OCA2: variants seen among roughly 807,000 people sequenced by gnomAD.
OCA2 encodes the protein OCA2 melanosomal transmembrane protein.
Under a neutral mutation model 100.2 loss-of-function variants are expected in OCA2, and 77 were observed. The ratio of observed to expected loss-of-function variants is 0.77; its 90% CI spans 0.64 to 0.93. The LOEUF is 0.93. Among genes scored for constraint, OCA2 ranks in the 40% least tolerant of loss-of-function variants. The pLI, the probability that OCA2 is intolerant of heterozygous loss-of-function variation, is 0.00. For synonymous variants in OCA2, 432 were observed against 439.2 expected, an observed-to-expected ratio of 0.98 and a Z score of 0.21; for missense variants, 1,062 against 1,089.1, an observed-to-expected ratio of 0.98 and a Z score of 0.35.
At chr15:27,894,143 T>A (rs1029466473) in intron 19 of OCA2, among the ~76,000 whole-genome samples, 3 of 152,190 alleles carry the variant, frequency 2.0e-5, no homozygotes, top group Non-Finnish European at 4.4e-5. Flanking sequence ...CTGACACTTA[T>A]GGATAATAGA....
chr15:27,877,895 T>C (rs1298031953), intron 19 of OCA2, among the ~76,000 whole-genome samples: 2 of 151,758 alleles, frequency 1.3e-5, no homozygotes, highest in African/African-American at 4.8e-5. Flanking sequence ...TGTTTGTCTC[T>C]TTTTTTATTC....
intron 9 of OCA2, among the ~76,000 whole-genome samples, chr15:28,007,513 G>A (rs182876028): frequency 1.1e-3 from 170 of 152,250 alleles, no homozygotes; most frequent in African/African-American, 3.7e-3. Context: ...GGCAGATCAC[G>A]AGGTCAGGAG....
chr15:27,731,177 T>C, the OCA2 span, among the ~76,000 whole-genome samples: 16 of 152,296 alleles, frequency 1.1e-4, no homozygotes, highest in South Asian at 6.2e-4. Flanking sequence ...CATTCAATTT[T>C]GCACTTGATT....
chr15:27,722,723 T>C, the OCA2 span, among the ~76,000 whole-genome samples: 2 of 95,218 alleles, frequency 2.1e-5, no homozygotes, highest in African/African-American at 6.9e-5. Context: ...TTTCTCTCTT[T>C]CTTCTTTCTT....
intron 14 of OCA2, among the ~76,000 whole-genome samples, chr15:27,976,619 T>A (rs890729686): frequency 6.6e-6 from 1 of 152,182 alleles, no homozygotes; most frequent in African/African-American, 2.4e-5. Flanking sequence ...TTAAGATGTA[T>A]TACCTATTTA....
intron 2 of OCA2, among the ~76,000 whole-genome samples, chr15:28,057,991 G>C (rs1348215984): frequency 4.6e-5 from 7 of 152,196 alleles, no homozygotes; most frequent in Non-Finnish European, 1.0e-4. Context: ...GCACAGCGGG[G>C]AGTGACATGT....
chr15:28,091,802 A>G (rs2044874450), intron 1 of OCA2, among the ~76,000 whole-genome samples: 2 of 150,056 alleles, frequency 1.3e-5, no homozygotes, highest in South Asian at 4.2e-4. Context: ...CTAAAAATAC[A>G]GAAATTAGCC....
chr15:27,774,796 G>C (rs528677029), intron 23 of OCA2, among the ~76,000 whole-genome samples: 1 of 152,104 alleles, frequency 6.6e-6, no homozygotes, highest in Non-Finnish European at 1.5e-5. Context: ...GCAGCCGGAC[G>C]CACAGAGGAA....
At chr15:28,004,977 A>C (rs1595804345) in intron 9 of OCA2, among the ~76,000 whole-genome samples, 1 of 152,128 alleles carries the variant, frequency 6.6e-6, no homozygotes, top group Non-Finnish European at 1.5e-5. Context: ...CTTGAGCCCC[A>C]GATTTCTTCC....
At chr15:27,822,159 A>G (rs2034533595) in intron 23 of OCA2, among the ~76,000 whole-genome samples, 2 of 152,292 alleles carry the variant, frequency 1.3e-5, no homozygotes, top group Admixed American at 1.3e-4. Context: ...ATAAAATATA[A>G]TATCACTAGA....
At position 27,869,057 on chromosome 15, in the gene OCA2, T is replaced by G. The variant is rs999950788; in HGVS notation, c.2244+2097A>C. ...CCATCGCTGCATGCCGCTTCCAGCC[T>G]GAGGCAGCAAACCCCAGTGGCTCCC... On this transcript the variant is annotated intron_variant, in intron 21 of 23. Transcript: ENST00000354638. 3.9e-5 allele frequency among the ~76,000 whole-genome samples: 6 copies of G among 152,226 alleles called. No individual in the cohort carries two copies. In the South Asian group the frequency reaches 1.2e-3, roughly 32 times the overall value.
At chr15:27,785,167 A>G (rs2032746881) in intron 23 of OCA2, among the ~76,000 whole-genome samples, 1 of 152,206 alleles carries the variant, frequency 6.6e-6, no homozygotes, top group Non-Finnish European at 1.5e-5. Flanking sequence ...TGCTAGGGTG[A>G]CACCTTTGGA....
intron 21 of OCA2, among the ~76,000 whole-genome samples, chr15:27,860,269 C>T (rs879881666): frequency 6.6e-6 from 1 of 152,166 alleles, no homozygotes; most frequent in African/African-American, 2.4e-5. Flanking sequence ...GAATCTCAGA[C>T]AGAAAGCATA....
At chr15:27,878,840 A>C (rs1411846638) in intron 19 of OCA2, among the ~76,000 whole-genome samples, 1 of 152,084 alleles carries the variant, frequency 6.6e-6, no homozygotes, top group Non-Finnish European at 1.5e-5. Context: ...ATATTTCAAA[A>C]TATTTATTCT....
rs976254610 is a variant in OCA2, at chr15:27,997,174, GGAGA to G, written c.1045-6531_1045-6528del. On this transcript the variant is annotated intron_variant, in intron 9 of 23. Coordinates refer to ENST00000354638, the MANE Select transcript of OCA2 (RefSeq NM_000275.3). ...AGAAAGAAAGAAAGGAAGGAAGGAA[GGAGA>G]GAGAAAGAAAAGAAGAGAGGAAAGG... is the stretch of plus-strand genomic sequence containing the variant. Among the ~76,000 whole-genome samples the G allele has an allele frequency of 2.8e-3, 387 of 137,526 alleles. 3 individuals are homozygous for G. The highest frequency in any genetic ancestry group is 4.7e-3 in the Non-Finnish European group (302 of 63,688). 90.2% of individuals were successfully genotyped at this position (137,526 alleles called of 152,430 possible). A position where few individuals can be genotyped will look rare whatever the true frequency, so the allele number is the denominator to read the frequency against.
intron 23 of OCA2, among the ~76,000 whole-genome samples, chr15:27,771,004 CTTCCCTT>C (rs1046264556): frequency 6.9e-6 from 1 of 145,150 alleles, no homozygotes; most frequent in Non-Finnish European, 1.5e-5. Context: ...CCCTTCCTTC[CTTCCCTT>C]CTTTTCTTCT....
chr15:27,888,385 G>A (rs2037316310), intron 19 of OCA2, among the ~76,000 whole-genome samples: 1 of 152,068 alleles, frequency 6.6e-6, no homozygotes, highest in Admixed American at 6.6e-5. Flanking sequence ...AAATATCCAG[G>A]ATACAATCAA....
intron 23 of OCA2, among the ~76,000 whole-genome samples, chr15:27,831,847 A>G (rs1028474311): frequency 6.6e-6 from 1 of 152,084 alleles, no homozygotes; most frequent in African/African-American, 2.4e-5. Flanking sequence ...AGCGAATTTG[A>G]TTGAGGCATC....
At chr15:27,764,051 G>A (rs1197844778) in intron 23 of OCA2, among the ~76,000 whole-genome samples, 3 of 151,700 alleles carry the variant, frequency 2.0e-5, no homozygotes, top group Admixed American at 2.0e-4. Context: ...GGAAGGGAGA[G>A]GGAGAGATAG....
Sources: gnomAD v4.1 joint callset for allele counts (sites outside exome capture counted in the v4.1 genomes callset) on GRCh38, gnomAD v4.1.1 for gene constraint, MANE v1.5 for transcripts, NCBI Gene and HGNC (gene_info 2026-07-23, HGNC 2026-07-21) for gene names.